The following C5 variants were observed in gnomAD, a reference collection of about 807,000 sequenced individuals.
The protein encoded by C5 is C3 and PZP-like alpha-2-macroglobulin domain-containing protein 4.
In C5, 140 loss-of-function variants were observed where a neutral mutation model predicts 218.8. The ratio of observed to expected loss-of-function variants is 0.64; its 90% CI spans 0.56 to 0.74. C5 has a LOEUF of 0.74. Ranked by LOEUF, C5 falls within the 30% of genes least tolerant of loss-of-function variation. C5 has a pLI of 0.00. For missense variants in C5, 1,700 were observed against 1,969.6 expected (o/e 0.86, Z 2.59); for synonymous variants, 614 against 682.3 (o/e 0.90, Z 1.56).
intron 27 of C5, among the ~76,000 whole-genome samples, chr9:120,980,583 C>T (rs1185037004): frequency 6.6e-6 from 1 of 152,110 alleles, no homozygotes; most frequent in Non-Finnish European, 1.5e-5. Flanking sequence ...AGCATAGACA[C>T]AATTTCTTTT....
intron 1 of C5, 23 bp downstream of exon 1, chr9:121,050,159 T>TG (rs1462771915): frequency 6.3e-7 from 1 of 1,577,384 alleles, no homozygotes; most frequent in African/African-American, 1.3e-5. Context: ...CATTGAAAAA[T>TG]GAAGATAGCT....
chr9:120,970,189 G>C lies in C5; in HGVS notation c.4143C>G (p.Ile1381Met). ...SEEVCSFYLK[I>M]DTQDIEASHY... ...TTTTACCTTCAATATCCTGAGTATC[G>C]ATTTTCAAATAAAAGCTGCAAACTT... The change falls in exon 32 of 41, where the codon ATC becomes ATG. Residue 1381 changes from isoleucine (I) to methionine (M), a missense_variant. Physicochemically the swap from Ile to Met is conservative, Grantham distance 10. Coordinates refer to ENST00000223642, the MANE Select transcript of C5 (RefSeq NM_001735.3). 1 of 1,612,366 alleles carries C rather than the reference G, an allele frequency of 6.2e-7. No homozygotes were observed. The highest frequency in any genetic ancestry group is 8.5e-7 in the Non-Finnish European group (1 of 1,178,624).
At chr9:121,000,920 G>A (rs1030915109) in intron 20 of C5, among the ~76,000 whole-genome samples, 2 of 152,140 alleles carry the variant, frequency 1.3e-5, no homozygotes, top group Non-Finnish European at 2.9e-5. Flanking sequence ...TTATAAGTGA[G>A]AACATGCAGT....
At chr9:120,952,929 T>C in intron 40 of C5, 61 bp from the exon 41 acceptor site, 1 of 1,584,802 alleles carries the variant, frequency 6.3e-7, no homozygotes, top group African/African-American at 1.4e-5. Context: ...ATTTGATTTC[T>C]TTATTTTTTT....
the C5 span, among the ~76,000 whole-genome samples, chr9:121,067,566 TAAAA>T: frequency 4.9e-5 from 6 of 121,582 alleles, no homozygotes; most frequent in Non-Finnish European, 3.5e-5. Flanking sequence ...AGGCTCCATC[TAAAA>T]AAAAAAAAAA....
rs966095081 is a variant in C5 at position 120,976,815 on chromosome 9, G to C, written c.3749C>G (p.Thr1250Arg). The stretch of plus-strand genomic sequence containing the variant: ...ACTGGTGAGTAAAGCATAGGCAGTT[G>C]TTTCTACCATACGTGCCGTACCAGT... ...PNTGTARMVE[T>R]TAYALLTSLN... Residue 1250 changes from threonine (T) to arginine (R), a missense_variant, in exon 29 of 41, where the codon ACA becomes AGA. By Grantham distance (71) the Thr-to-Arg change is moderately conservative. Coordinates refer to ENST00000223642, the MANE Select transcript of C5 (RefSeq NM_001735.3). 1.2e-6 allele frequency: 2 copies of C among 1,613,914 alleles called. No individual in the cohort carries two copies. Among genetic ancestry groups the C allele is most frequent in the African/African-American group, 2.7e-5 (2 of 74,918 alleles).
the C5 span, among the ~76,000 whole-genome samples, chr9:121,070,500 CAT>C: frequency 1.5e-5 from 2 of 132,556 alleles, no homozygotes; most frequent in African/African-American, 3.0e-5. Context: ...TGTGCGTATT[CAT>C]ATATATATAC....
chr9:120,991,798 T>C (rs2047078808), intron 22 of C5, among the ~76,000 whole-genome samples: 1 of 152,184 alleles, frequency 6.6e-6, no homozygotes, highest in African/African-American at 2.4e-5. Context: ...CACTGGTTTA[T>C]GTCCAAAAAA....
chr9:120,974,862 C>G lies in C5; in HGVS notation c.3934G>C (p.Asp1312His), dbSNP rs759623182. ...TTATGCTTGTAAGAAACATCGATGT[C>G]CATACTCAAGCGGAGTTGTTTAACC... ...LLVKQLRLSM[D>H]IDVSYKHKGA... Residue 1312 changes from aspartate to histidine, a missense_variant, in exon 30 of 41, where the codon GAC (aspartate) becomes CAC (histidine). Physicochemically the swap from Asp to His is moderately conservative, Grantham distance 81. Transcript: ENST00000223642. 1 of 1,613,960 alleles carries G rather than the reference C, an allele frequency of 6.2e-7. No individual in the cohort carries two copies. The highest frequency in any genetic ancestry group is 8.5e-7 in the Non-Finnish European group (1 of 1,179,798).
chr9:120,988,511 G>T (rs1281680322), intron 25 of C5, among the ~76,000 whole-genome samples: 1 of 152,174 alleles, frequency 6.6e-6, no homozygotes, highest in Non-Finnish European at 1.5e-5. Flanking sequence ...GCCCTGAGGT[G>T]GAAGCATGCC....
the C5 span, among the ~76,000 whole-genome samples, chr9:121,067,037 GGGA>G: frequency 6.6e-6 from 1 of 151,858 alleles, no homozygotes; most frequent in Non-Finnish European, 1.5e-5. Flanking sequence ...AGGCTGAGGT[GGGA>G]GGATCACTTG....
At chr9:121,032,779 C>T (rs577628769) in intron 5 of C5, among the ~76,000 whole-genome samples, 228 of 152,244 alleles carry the variant, frequency 1.5e-3, no homozygotes, top group Non-Finnish European at 2.8e-3. Flanking sequence ...GCAGGAGGAT[C>T]GCTTGAGCCC....
chr9:120,973,537 A>G (rs539091313), intron 30 of C5, among the ~76,000 whole-genome samples: 1 of 152,302 alleles, frequency 6.6e-6, no homozygotes, highest in African/African-American at 2.4e-5. Flanking sequence ...CTTTGCTTTC[A>G]GGTCTTTTGG....
At chr9:121,066,862 G>GAAAAAA in the C5 span, among the ~76,000 whole-genome samples, 1 of 134,986 alleles carries the variant, frequency 7.4e-6, no homozygotes, top group African/African-American at 2.9e-5. Context: ...CTCAAAAAAA[G>GAAAAAA]AAAAAAAAAA....
intron 31 of C5, among the ~76,000 whole-genome samples, chr9:120,971,316 G>C (rs1357571287): frequency 3.3e-5 from 5 of 151,646 alleles, no homozygotes; most frequent in Non-Finnish European, 7.4e-5. Context: ...ATGCACATAT[G>C]TACACAGATA....
chr9:120,957,316 G>A lies in C5; in HGVS notation c.4731C>T (p.Tyr1577=). 4.3e-6 allele frequency: 7 copies of A among 1,612,790 alleles called. No homozygotes were observed. Among genetic ancestry groups the A allele is most frequent in the Non-Finnish European group, 5.9e-6 (7 of 1,179,076 alleles). Residue 1577 remains tyrosine (Y), a synonymous_variant, in exon 39 of 41, where the codon TAC becomes TAT. Transcript: ENST00000223642. ...TGTAGATATCCAGAAGGGTTGCCTT[G>A]TACTTGACAAAAACATTTTCTACAG... ...SITVENVFVK[Y]KATLLDIYKT... is the part of the protein sequence containing the mutation.
At chr9:121,019,638 G>C (rs1162977389) in intron 12 of C5, among the ~76,000 whole-genome samples, 1 of 152,160 alleles carries the variant, frequency 6.6e-6, no homozygotes, top group East Asian at 1.9e-4. Flanking sequence ...GATTTAATCA[G>C]GTTCTCGCTT....
At chr9:120,969,583 GA>G in intron 32 of C5, among the ~76,000 whole-genome samples, 1 of 152,270 alleles carries the variant, frequency 6.6e-6, no homozygotes, top group South Asian at 2.1e-4. Context: ...CTTGCTTTTG[GA>G]CCAGGAAGGG....
In C5 at chr9:120,952,839, C is replaced by T. The variant is rs776806187; in HGVS notation, c.4931G>A (p.Trp1644Ter). The change falls in exon 41 of 41, where the codon TGG (tryptophan) becomes TAG (stop). Residue 1644 changes from tryptophan to a stop codon, truncating the protein, a stop_gained. Coordinates refer to ENST00000223642, the MANE Select transcript of C5 (RefSeq NM_001735.3). LOFTEE classifies it high-confidence loss of function. ...TGTGTCTCTAGGCCAGTATTCAATC[C>T]AGGTCAAGGAATCTAAAGGGTAGAT... Reference protein sequence around the residue: ...RYIYPLDSLTWIEYWPRDTTC... With the variant: ...RYIYPLDSLT The T allele has an allele frequency of 1.2e-6, 2 of 1,613,978 alleles. No individual in the cohort carries two copies. The highest frequency in any genetic ancestry group is 2.2e-5 in the South Asian group (2 of 91,080).
Sources: gnomAD v4.1 joint callset for allele counts (sites outside exome capture counted in the v4.1 genomes callset) on GRCh38, gnomAD v4.1.1 for gene constraint, MANE v1.5 for transcripts, NCBI Gene and HGNC (gene_info 2026-07-23, HGNC 2026-07-21) for gene names.